GAS2: variants seen among roughly 807,000 people sequenced by gnomAD.
GAS2 encodes growth arrest-specific protein 2.
Under a neutral mutation model 37.5 loss-of-function variants are expected in GAS2, and 20 were observed. That is an observed-to-expected ratio of 0.53 (90% CI 0.37 to 0.77). The LOEUF (loss-of-function observed/expected upper bound fraction) is 0.77. Among genes scored for constraint, GAS2 ranks in the 30% least tolerant of loss-of-function variants. GAS2 has a pLI of 0.00. For missense variants in GAS2, 336 were observed against 373.4 expected, an observed-to-expected ratio of 0.90 and a Z score of 0.82; for synonymous variants, 144 against 132.2, an observed-to-expected ratio of 1.09 and a Z score of -0.61.
At chr11:22,796,475 G>T (rs182821037) in intron 7 of GAS2, among the ~76,000 whole-genome samples, 2 of 151,982 alleles carry the variant, frequency 1.3e-5, no homozygotes, top group African/African-American at 4.8e-5. Flanking sequence ...CTTATCCTTT[G>T]ACTTTGTAAC....
At chr11:22,782,904 A>T (rs1333293158) in intron 7 of GAS2, among the ~76,000 whole-genome samples, 14 of 152,018 alleles carry the variant, frequency 9.2e-5, no homozygotes, top group Non-Finnish European at 4.4e-5. Context: ...GCTGCAATGA[A>T]CATACACATG....
At chr11:22,731,404 A>C (rs903369679) in intron 4 of GAS2, 38 of 440,794 alleles carry the variant, frequency 8.6e-5, no homozygotes, top group African/African-American at 7.1e-4. Flanking sequence ...AGGGTTTGCT[A>C]TCTGCGGTGT....
intron 1 of GAS2, among the ~76,000 whole-genome samples, chr11:22,653,528 G>T (rs1342264037): frequency 6.6e-6 from 1 of 152,154 alleles, no homozygotes; most frequent in Non-Finnish European, 1.5e-5. Context: ...ATGAAGACTG[G>T]AAGATGAAAA....
At chr11:22,774,544 T>C (rs971984375) in intron 7 of GAS2, among the ~76,000 whole-genome samples, 3 of 152,230 alleles carry the variant, frequency 2.0e-5, no homozygotes, top group Non-Finnish European at 4.4e-5. Context: ...TCCTAGATTT[T>C]TTTGGTAGCA....
intron 1 of GAS2, among the ~76,000 whole-genome samples, chr11:22,652,441 G>T (rs1408263327): frequency 1.3e-5 from 2 of 152,208 alleles, no homozygotes; most frequent in African/African-American, 4.8e-5. Flanking sequence ...AGCTGTGGTG[G>T]GCTCCATCCA....
chr11:22,682,227 A>C (rs1590624615), intron 2 of GAS2, among the ~76,000 whole-genome samples: 1 of 152,116 alleles, frequency 6.6e-6, no homozygotes, highest in African/African-American at 2.4e-5. Context: ...ATAACTAAAA[A>C]GATATAATGT....
At chr11:22,689,947 CTG>C (rs1167844437) in intron 3 of GAS2, among the ~76,000 whole-genome samples, 11 of 152,170 alleles carry the variant, frequency 7.2e-5, no homozygotes, top group Non-Finnish European at 1.6e-4. Context: ...ATTAATGAAA[CTG>C]TGCATAGGGA....
intron 7 of GAS2, among the ~76,000 whole-genome samples, chr11:22,775,323 TG>T (rs1855202645): frequency 6.6e-6 from 1 of 152,168 alleles, no homozygotes; most frequent in African/African-American, 2.4e-5. Flanking sequence ...CAGCTCATTC[TG>T]GGGACCTACC....
rs200705441 is a variant in GAS2 at position 22,661,324 on chromosome 11, GATTTATTT to G, written c.-20-13508_-20-13501del. Among the ~76,000 whole-genome samples the G allele has an allele frequency of 7.9e-5, 12 of 152,044 alleles. No homozygotes were observed. The East Asian group carries it at 1.2e-3, about 15-fold the overall frequency. The stretch of plus-strand genomic sequence containing the variant: ...TCCCTTGGATATGCAGTGGTTTTAT[GATTTATTT>G]ATTTATTTATTTATTTACTCAATTA... On this transcript the variant is annotated intron_variant, in intron 1 of 5. Transcript: ENST00000528582.
upstream of GAS2, among the ~76,000 whole-genome samples, chr11:22,665,614 C>T (rs1010615866): frequency 1.5e-4 from 23 of 152,204 alleles, no homozygotes; most frequent in African/African-American, 5.5e-4. Flanking sequence ...GCTGCAAAAG[C>T]AAATTGAACT....
intron 7 of GAS2, among the ~76,000 whole-genome samples, chr11:22,781,045 T>C (rs188557379): frequency 3.3e-5 from 5 of 152,098 alleles, no homozygotes; most frequent in Admixed American, 3.3e-4. Flanking sequence ...CCAGACTAGA[T>C]AGATTAAGAG....
chr11:22,718,630 T>G (rs1851801638), intron 3 of GAS2, among the ~76,000 whole-genome samples: 1 of 151,916 alleles, frequency 6.6e-6, no homozygotes. Context: ...AGCCATGTAA[T>G]GGAACACCAC....
chr11:22,699,447 G>A (rs1470307574), intron 3 of GAS2, among the ~76,000 whole-genome samples: 1 of 152,042 alleles, frequency 6.6e-6, no homozygotes, highest in Non-Finnish European at 1.5e-5. Flanking sequence ...AAAGATATGG[G>A]GGTACTGCTT....
At chr11:22,644,162 G>A (rs1565063620) in intron 1 of GAS2, among the ~76,000 whole-genome samples, 2 of 151,942 alleles carry the variant, frequency 1.3e-5, no homozygotes, top group African/African-American at 4.8e-5. Flanking sequence ...TCACTAAGTA[G>A]CAATTATGAT....
At chr11:22,679,481 C>T (rs1849577611) in intron 2 of GAS2, among the ~76,000 whole-genome samples, 1 of 152,056 alleles carries the variant, frequency 6.6e-6, no homozygotes, top group South Asian at 2.1e-4. Flanking sequence ...CATGTTATTA[C>T]ATTAACAGTC....
At chr11:22,652,653 C>G (rs1330564651) in intron 1 of GAS2, among the ~76,000 whole-genome samples, 1 of 152,212 alleles carries the variant, frequency 6.6e-6, no homozygotes, top group Admixed American at 6.5e-5. Flanking sequence ...GTGGGAAAAG[C>G]GCAGTATTCG....
intron 7 of GAS2, among the ~76,000 whole-genome samples, chr11:22,784,468 G>A (rs1226345009): frequency 6.6e-6 from 1 of 152,028 alleles, no homozygotes; most frequent in South Asian, 2.1e-4. Context: ...GTATTGGTTG[G>A]CAAGGCATGA....
At chr11:22,755,648 A>G (rs549305156) in intron 6 of GAS2, 198 bp from the exon 7 acceptor site, 2 of 478,694 alleles carry the variant, frequency 4.2e-6, no homozygotes, top group East Asian at 3.5e-5. Context: ...TAGTGCAGTC[A>G]TTTGCCTTCA....
chr11:22,798,707 A>C (rs1223408788), intron 7 of GAS2, among the ~76,000 whole-genome samples: 1 of 152,070 alleles, frequency 6.6e-6, no homozygotes, highest in Admixed American at 6.6e-5. Context: ...ACCTTTGGCA[A>C]GGACGTCTTT....
Sources: allele counts gnomAD v4.1 joint callset (sites outside exome capture counted in the v4.1 genomes callset), GRCh38; gene constraint gnomAD v4.1.1; transcripts MANE v1.5; gene names NCBI Gene and HGNC (gene_info 2026-07-23, HGNC 2026-07-21).